The following ACSS3 variants were observed in gnomAD, a reference collection of about 807,000 sequenced individuals.
ACSS3 encodes acyl-CoA synthetase short-chain family member 3, mitochondrial.
Under a neutral mutation model 84.2 loss-of-function variants are expected in ACSS3, and 64 were observed. That is an observed-to-expected ratio of 0.76 (90% CI 0.62 to 0.94). The LOEUF is 0.94. ACSS3 is among the 40% of genes least tolerant of loss of function. ACSS3 has a pLI of 0.00. For synonymous variants in ACSS3, 317 were observed against 310.1 expected, an observed-to-expected ratio of 1.02 and a Z score of -0.23; for missense variants, 815 against 867.6, an observed-to-expected ratio of 0.94 and a Z score of 0.76.
At position 81,078,193 on chromosome 12, in the gene ACSS3, T is replaced by A. The variant is rs1880736630; in HGVS notation, c.73T>A (p.Ser25Thr). 6.4e-7 allele frequency: 1 copy of A among 1,555,152 alleles called. No individual in the cohort carries two copies. The highest frequency in any genetic ancestry group is 8.7e-7 in the Non-Finnish European group (1 of 1,154,244). Reference sequence around the variant, plus strand: ...GCTCGGAGGGCCCTTGCCTGGGTCCTCTCCGGCCCGGGGAGCCGGTGCGGC... The same window carrying A: ...GCTCGGAGGGCCCTTGCCTGGGTCCACTCCGGCCCGGGGAGCCGGTGCGGC... ...GGLGGPLPGSSPARGAGAALR... is the reference protein window; with the variant it reads ...GGLGGPLPGSTPARGAGAALR... Residue 25 changes from serine to threonine, a missense_variant, in exon 1 of 16, where the codon TCT (serine) becomes ACT (threonine). Transcript: ENST00000548058.
At position 81,260,569 on chromosome 12, in the gene ACSS3, CA is replaced by C. The variant is rs1463631362; in HGVS notation, c.*5648del. 5.9e-5 allele frequency: 9 copies of C among 151,898 alleles called. No homozygotes were observed. The highest frequency in any genetic ancestry group is 5.9e-4 in the Admixed American group (9 of 15,234). 9.4% of individuals were successfully genotyped at this position (151,898 alleles called of 1,614,324 possible). On this transcript the variant is annotated 3_prime_UTR_variant, in exon 16 of 16. Coordinates refer to ENST00000548058, the MANE Select transcript of ACSS3 (RefSeq NM_024560.4). ...TCTAATTAGGTGCCAAATTATATACCATAATTAAAATTTTAATGTAAGGGTT... is the reference window on the plus strand; with the variant it reads ...TCTAATTAGGTGCCAAATTATATACCTAATTAAAATTTTAATGTAAGGGTT...
intron 9 of ACSS3, among the ~76,000 whole-genome samples, chr12:81,215,931 G>A (rs1365474748): frequency 6.6e-6 from 1 of 152,074 alleles, no homozygotes; most frequent in Non-Finnish European, 1.5e-5. Flanking sequence ...GGCTAGTTGT[G>A]AGAAAGTTCG....
At chr12:81,223,125 T>C (rs2033163449) in intron 11 of ACSS3, among the ~76,000 whole-genome samples, 1 of 152,076 alleles carries the variant, frequency 6.6e-6, no homozygotes, top group Non-Finnish European at 1.5e-5. Flanking sequence ...CCTTTCTTCC[T>C]AGCACAGTGC....
intron 2 of ACSS3, 112 bp from the exon 3 acceptor site, chr12:81,134,704 T>G: frequency 3.6e-6 from 3 of 840,246 alleles, no homozygotes; most frequent in Non-Finnish European, 5.0e-6. Context: ...TTACTTAGGC[T>G]CCTTTAATCT....
intron 13 of ACSS3, among the ~76,000 whole-genome samples, chr12:81,233,926 T>C (rs2033547496): frequency 6.6e-6 from 1 of 151,600 alleles, no homozygotes; most frequent in Non-Finnish European, 1.5e-5. Flanking sequence ...AACTTATTCC[T>C]ATGGAGTAAA....
chr12:81,081,383 G>A (rs980025506), intron 1 of ACSS3, among the ~76,000 whole-genome samples: 2 of 152,114 alleles, frequency 1.3e-5, no homozygotes, highest in Non-Finnish European at 2.9e-5. Flanking sequence ...GGGTTTATAC[G>A]TGATTGCTTC....
At chr12:81,182,216 C>G (rs1024573800) in intron 8 of ACSS3, among the ~76,000 whole-genome samples, 84 of 152,206 alleles carry the variant, frequency 5.5e-4, no homozygotes, top group African/African-American at 1.9e-3. Context: ...TCAGTAGAAG[C>G]CTTACAGGCC....
intron 8 of ACSS3, among the ~76,000 whole-genome samples, chr12:81,181,788 G>C (rs1264073711): frequency 1.1e-5 from 1 of 87,970 alleles, no homozygotes; most frequent in East Asian, 3.0e-4. Context: ...AGCTACAATA[G>C]TAGACTAGAT....
rs576613541 is a variant in ACSS3 at position 81,143,132 on chromosome 12, G to A, written c.806G>A (p.Arg269His). The change falls in exon 5 of 16, where the codon CGT (arginine) becomes CAT (histidine). Residue 269 changes from arginine to histidine, a missense_variant. Coordinates refer to ENST00000548058, the MANE Select transcript of ACSS3 (RefSeq NM_024560.4). ...GAGGCGGTTCCTTTGGCTCCCGGTC[G>A]TGACCTTGATTGGGATGAAGAGATG... Reference protein sequence around the residue: ...NMEAVPLAPGRDLDWDEEMAK... With the variant: ...NMEAVPLAPGHDLDWDEEMAK... 3.2e-5 allele frequency: 52 copies of A among 1,613,210 alleles called. No individual in the cohort carries two copies. The East Asian group carries it at 6.0e-4, about 19-fold the overall frequency.
rs1177883596 is a variant in ACSS3 at position 81,259,216 on chromosome 12, A to C, written c.*4294A>C. ...ATCCAAAAACTGTAAAAATGGTGGA[A>C]TGGTAAAATACAAACAGTACTTGGA... On this transcript the variant is annotated 3_prime_UTR_variant, in exon 16 of 16. Coordinates refer to ENST00000548058, the MANE Select transcript of ACSS3 (RefSeq NM_024560.4). The C allele has an allele frequency of 8.7e-6, 2 of 229,488 alleles. No individual in the cohort carries two copies. The highest frequency in any genetic ancestry group is 8.7e-6 in the Non-Finnish European group (1 of 115,444). The allele number at this position is 229,488 out of a possible 1,614,324, so 14.2% of individuals were successfully genotyped here.
In ACSS3 at chr12:81,213,901, TGTCCTTCC is replaced by T. The variant is rs768101109; in HGVS notation, c.1355-2999_1355-2992del. Among the ~76,000 whole-genome samples the T allele has an allele frequency of 4.2e-3, 304 of 72,506 alleles. 19 individuals are homozygous for T. The highest frequency in any genetic ancestry group is 7.7e-3 in the South Asian group (15 of 1,936). The allele number at this position is 72,506 out of a possible 152,430, so 47.6% of individuals were successfully genotyped here. A position where few individuals can be genotyped will look rare whatever the true frequency, so the allele number is the denominator to read the frequency against. ...CTTTCTTTCCTTTCTTTCTTTCTTT[TGTCCTTCC>T]TTCCTTCCTTCCTTCCTTCCTTCCT... On this transcript the variant is annotated intron_variant, in intron 9 of 15. Coordinates refer to ENST00000548058, the MANE Select transcript of ACSS3 (RefSeq NM_024560.4).
intron 1 of ACSS3, among the ~76,000 whole-genome samples, chr12:81,094,159 T>C (rs966991740): frequency 1.5e-5 from 2 of 135,226 alleles, no homozygotes; most frequent in Non-Finnish European, 3.2e-5. Flanking sequence ...TTTTTTTTCC[T>C]CTCTCTCTCT....
In ACSS3 at chr12:81,078,164, G is replaced by A. The variant is rs868840230; in HGVS notation, c.44G>A (p.Gly15Glu). 4 of 1,519,246 alleles carry A rather than the reference G, an allele frequency of 2.6e-6. No homozygotes were observed. The highest frequency in any genetic ancestry group is 3.6e-4 in the Middle Eastern group (2 of 5,562). 94.1% of individuals were successfully genotyped at this position (1,519,246 alleles called of 1,614,324 possible). A position where few individuals can be genotyped will look rare whatever the true frequency, so the allele number is the denominator to read the frequency against. Residue 15 changes from glycine (G) to glutamate (E), a missense_variant, in exon 1 of 16, where the codon GGG becomes GAG. Gly to Glu is a moderately conservative substitution (Grantham distance 98, BLOSUM62 -2). Transcript: ENST00000548058. ...WLQCRKVTSA[G>E]GLGGPLPGSS... ...CAGTGTCGTAAAGTCACCAGCGCCG[G>A]GGGGCTCGGAGGGCCCTTGCCTGGG...
chr12:81,184,322 T>A (rs2031123346), intron 8 of ACSS3, among the ~76,000 whole-genome samples: 1 of 151,810 alleles, frequency 6.6e-6, no homozygotes, highest in Non-Finnish European at 1.5e-5. Flanking sequence ...TAGCAGTAAA[T>A]GCCTACAATT....
chr12:81,256,521 C>T lies in ACSS3; in HGVS notation c.*1599C>T, dbSNP rs1051445970. On this transcript the variant is annotated 3_prime_UTR_variant, in exon 16 of 16. Transcript: ENST00000548058. ...TTTTAACCCAAAAGTATACCATGCT[C>T]ATTGTATCTTTGATCGTTCTTCAAG... 2.6e-5 allele frequency: 4 copies of T among 152,212 alleles called. No homozygotes were observed. Among genetic ancestry groups the T allele is most frequent in the Non-Finnish European group, 4.4e-5 (3 of 67,980 alleles). 9.4% of individuals were successfully genotyped at this position (152,212 alleles called of 1,614,324 possible). A position where few individuals can be genotyped will look rare whatever the true frequency, so the allele number is the denominator to read the frequency against.
At chr12:81,245,865 G>C (rs1272583180) in intron 13 of ACSS3, among the ~76,000 whole-genome samples, 1 of 151,876 alleles carries the variant, frequency 6.6e-6, no homozygotes, top group Non-Finnish European at 1.5e-5. Context: ...CTTCTTACTT[G>C]TAGTACCAAA....
intron 13 of ACSS3, among the ~76,000 whole-genome samples, chr12:81,250,609 A>T (rs1427539957): frequency 6.6e-6 from 1 of 152,120 alleles, no homozygotes; most frequent in Non-Finnish European, 1.5e-5. Flanking sequence ...TTTTGACATT[A>T]AATTTAGTTA....
At chr12:81,109,815 C>T in intron 2 of ACSS3, 111 bp downstream of exon 2, 1 of 917,582 alleles carries the variant, frequency 1.1e-6, no homozygotes, top group Non-Finnish European at 1.5e-6. Context: ...AAATATGTTG[C>T]CATGCTTTTC....
intron 8 of ACSS3, among the ~76,000 whole-genome samples, chr12:81,187,153 CA>C (rs60792995): frequency 0.64 from 95,966 of 150,568 alleles, 31,261 homozygotes; most frequent in Non-Finnish European, 0.72. Context: ...AAAACAACAA[CA>C]AAAAAAAATC....
Sources: allele counts gnomAD v4.1 joint callset (sites outside exome capture counted in the v4.1 genomes callset), GRCh38; gene constraint gnomAD v4.1.1; transcripts MANE v1.5; gene names NCBI Gene and HGNC (gene_info 2026-07-23, HGNC 2026-07-21).